WNT7A: variants seen among roughly 807,000 people sequenced by gnomAD.
WNT7A encodes protein Wnt-7a.
WNT7A carries 16 observed loss-of-function variants against 28.2 expected under a neutral mutation model. That is an observed-to-expected ratio of 0.57 (90% CI 0.38 to 0.86). WNT7A has a LOEUF of 0.86. Among genes scored for constraint, WNT7A ranks in the 40% least tolerant of loss-of-function variants. The pLI is 0.00. For synonymous variants in WNT7A, 190 were observed against 195.9 expected (o/e 0.97, Z 0.25); for missense variants, 411 against 489.7 (o/e 0.84, Z 1.52).
At chr3:13,869,218 G>GA (rs150129836) in intron 2 of WNT7A, among the ~76,000 whole-genome samples, 138,545 of 139,262 alleles carry the variant, frequency 0.99, 68,914 homozygotes, top group Non-Finnish European at 1. Flanking sequence ...AAGAGAGAAA[G>GA]AAAAGAGAGA....
chr3:13,873,151 G>A (rs1695050934), intron 2 of WNT7A, among the ~76,000 whole-genome samples: 1 of 152,030 alleles, frequency 6.6e-6, no homozygotes, highest in Non-Finnish European at 1.5e-5. Context: ...ATGTGACCCG[G>A]GACAGTCCCA....
chr3:13,862,681 A>T (rs1216719445), intron 2 of WNT7A, among the ~76,000 whole-genome samples: 1 of 152,108 alleles, frequency 6.6e-6, no homozygotes, highest in African/African-American at 2.4e-5. Context: ...GTCTGGGCGG[A>T]GCTTGGTAAG....
chr3:13,841,534 G>C (rs1694456727), intron 3 of WNT7A, among the ~76,000 whole-genome samples: 1 of 152,328 alleles, frequency 6.6e-6, no homozygotes, highest in Admixed American at 6.5e-5. Flanking sequence ...ATCTCATGGA[G>C]TTCTTATGAG....
chr3:13,873,500 T>C (rs941080407), intron 2 of WNT7A, among the ~76,000 whole-genome samples: 2 of 152,142 alleles, frequency 1.3e-5, no homozygotes, highest in East Asian at 3.9e-4. Context: ...TCTACAGTTC[T>C]GTAAGGTGCA....
chr3:13,850,951 C>T (rs1559301368), intron 3 of WNT7A, among the ~76,000 whole-genome samples: 1 of 152,106 alleles, frequency 6.6e-6, no homozygotes, highest in Non-Finnish European at 1.5e-5. Flanking sequence ...CGTCCCAGTA[C>T]CCATTTGCCC....
chr3:13,833,030 G>A (rs1452383754), intron 3 of WNT7A, among the ~76,000 whole-genome samples: 1 of 151,986 alleles, frequency 6.6e-6, no homozygotes, highest in Non-Finnish European at 1.5e-5. Flanking sequence ...GAGAACTGTG[G>A]ACACACAGCC....
At chr3:13,823,844 T>A (rs929076087) in intron 3 of WNT7A, among the ~76,000 whole-genome samples, 1 of 152,156 alleles carries the variant, frequency 6.6e-6, no homozygotes, top group African/African-American at 2.4e-5. Flanking sequence ...TTCTGGGAGT[T>A]ATTCCCCCTG....
rs1195208085 is a variant in WNT7A at position 13,818,893 on chromosome 3, A to G, written c.*51T>C. ...GGAGCCCGCAGCTTGGAAACGGTCC[A>G]GTCCTCCCAGCAATCTGACTTGCAG... On this transcript the variant is annotated 3_prime_UTR_variant, in exon 4 of 4. Coordinates refer to ENST00000285018, the MANE Select transcript of WNT7A (RefSeq NM_004625.4). 6.5e-7 allele frequency: 1 copy of G among 1,534,756 alleles called. No individual in the cohort carries two copies. The highest frequency in any genetic ancestry group is 2.3e-5 in the East Asian group (1 of 43,900).
At chr3:13,843,670 C>T (rs1459238572) in intron 3 of WNT7A, among the ~76,000 whole-genome samples, 2 of 150,030 alleles carry the variant, frequency 1.3e-5, no homozygotes, top group Non-Finnish European at 3.0e-5. Context: ...AGCTGTGAGA[C>T]TTGGCCAGGA....
At chr3:13,869,641 C>T (rs1263965203) in intron 2 of WNT7A, among the ~76,000 whole-genome samples, 4 of 62,102 alleles carry the variant, frequency 6.4e-5, no homozygotes, top group Non-Finnish European at 8.4e-5. Flanking sequence ...AAGAAAGACA[C>T]AGAAAAGTAG....
intron 3 of WNT7A, among the ~76,000 whole-genome samples, chr3:13,834,621 C>A (rs1694337084): frequency 6.6e-6 from 1 of 152,156 alleles, no homozygotes; most frequent in Non-Finnish European, 1.5e-5. Flanking sequence ...AGGCATGCTC[C>A]TGCCTCTGGG....
At chr3:13,865,001 G>T (rs1033294221) in intron 2 of WNT7A, among the ~76,000 whole-genome samples, 2 of 152,186 alleles carry the variant, frequency 1.3e-5, no homozygotes, top group Non-Finnish European at 2.9e-5. Context: ...ATGGAAATTG[G>T]TGGTGGGTGG....
At position 13,819,104 on chromosome 3, in the gene WNT7A, G is replaced by T; in HGVS notation, c.890C>A (p.Thr297Lys). The T allele has an allele frequency of 6.2e-7, 1 of 1,614,134 alleles. No homozygotes were observed. The highest frequency in any genetic ancestry group is 8.5e-7 in the Non-Finnish European group (1 of 1,180,018). Reference sequence around the variant, plus strand: ...GTCACAGCCGCTGGCCTGGGGAGCCGTCTTGTTGCAGGCGCGGCCCTGGGT... The same window carrying T: ...GTCACAGCCGCTGGCCTGGGGAGCCTTCTTGTTGCAGGCGCGGCCCTGGGT... ...VGTQGRACNK[T>K]APQASGCDLM... Residue 297 changes from threonine (T) to lysine (K), a missense_variant, in exon 4 of 4, where the codon ACG becomes AAG. Transcript: ENST00000285018.
At chr3:13,835,111 G>A (rs894297310) in intron 3 of WNT7A, among the ~76,000 whole-genome samples, 4 of 152,352 alleles carry the variant, frequency 2.6e-5, no homozygotes, top group South Asian at 2.1e-4. Flanking sequence ...GGCAAAGGCC[G>A]AGGGCAGAAG....
intron 3 of WNT7A, among the ~76,000 whole-genome samples, chr3:13,830,284 T>G (rs746037243): frequency 2.0e-5 from 3 of 152,154 alleles, no homozygotes; most frequent in African/African-American, 4.8e-5. Context: ...TGGAGGCCCC[T>G]CAACCTCAGG....
chr3:13,861,536 G>C (rs1364422376), intron 2 of WNT7A, among the ~76,000 whole-genome samples: 1 of 152,214 alleles, frequency 6.6e-6, no homozygotes, highest in Non-Finnish European at 1.5e-5. Flanking sequence ...GGTGACACAG[G>C]GCAGTGATGG....
rs1445883200 is a variant in WNT7A at position 13,870,346 on chromosome 3, T to A, written c.298+4601A>T. 2.0e-5 allele frequency among the ~76,000 whole-genome samples: 3 copies of A among 152,140 alleles called. No homozygotes were observed. In the East Asian group the frequency reaches 5.8e-4, roughly 29 times the overall value. ...CACATATACAAGGGGAAAGGCCATG[T>A]GAGAACCCAGGGAGAAGGTGGCAAG... On this transcript the variant is annotated intron_variant, in intron 2 of 3. Coordinates refer to ENST00000285018, the MANE Select transcript of WNT7A (RefSeq NM_004625.4).
chr3:13,850,112 C>T (rs1559301106), intron 3 of WNT7A, among the ~76,000 whole-genome samples: 1 of 152,246 alleles, frequency 6.6e-6, no homozygotes, highest in East Asian at 1.9e-4. Context: ...CCTTTCCATT[C>T]GCAAGGGCAA....
chr3:13,862,776 C>T (rs1694851692), intron 2 of WNT7A, among the ~76,000 whole-genome samples: 2 of 152,336 alleles, frequency 1.3e-5, no homozygotes, highest in Non-Finnish European at 2.9e-5. Context: ...GTCTCTCTTC[C>T]CACTGAGCAA....
Sources: gnomAD v4.1 joint callset for allele counts (sites outside exome capture counted in the v4.1 genomes callset) on GRCh38, gnomAD v4.1.1 for gene constraint, MANE v1.5 for transcripts, NCBI Gene and HGNC (gene_info 2026-07-23, HGNC 2026-07-21) for gene names.